FLACC1: variants seen among roughly 807,000 people sequenced by gnomAD.
FLACC1 encodes flagellum-associated coiled-coil domain-containing protein 1.
In FLACC1, 66 loss-of-function variants were observed where a neutral mutation model predicts 62.8. The observed-to-expected ratio is 1.05, with a 90% CI of 0.86 to 1.29. The LOEUF (loss-of-function observed/expected upper bound fraction) is 1.29, where lower values mean the gene tolerates loss of function less well. Ranked by LOEUF, FLACC1 falls within the 50% of genes most tolerant of loss-of-function variation. The probability of loss-of-function intolerance (pLI) is 0.00; values close to 1 mark genes in which losing one functional copy is unlikely to be tolerated. For missense variants in FLACC1, 452 were observed against 489.1 expected (o/e 0.92, Z 0.71); for synonymous variants, 156 against 161.0 (o/e 0.97, Z 0.24).
chr2:201,313,424 G>C (rs1003283815), intron 9 of FLACC1, among the ~76,000 whole-genome samples: 1 of 152,072 alleles, frequency 6.6e-6, no homozygotes, highest in African/African-American at 2.4e-5. Context: ...GCTGGGTGAG[G>C]TCTGTGACTG....
At chr2:201,328,587 G>C (rs796682312) in intron 9 of FLACC1, among the ~76,000 whole-genome samples, 1 of 152,018 alleles carries the variant, frequency 6.6e-6, no homozygotes, top group Non-Finnish European at 1.5e-5. Flanking sequence ...CACCATGTCC[G>C]ACTAATTTTC....
chr2:201,292,794 A>G (rs1949767107), intron 12 of FLACC1, among the ~76,000 whole-genome samples: 1 of 152,198 alleles, frequency 6.6e-6, no homozygotes, highest in Non-Finnish European at 1.5e-5. Flanking sequence ...ATGCAGAGAC[A>G]CACAGAGGCT....
At chr2:201,343,614 G>C (rs1351625177) in intron 6 of FLACC1, among the ~76,000 whole-genome samples, 2 of 152,204 alleles carry the variant, frequency 1.3e-5, no homozygotes, top group Non-Finnish European at 2.9e-5. Flanking sequence ...AGCACTGGCT[G>C]TCACTCCAGG....
chr2:201,339,066 C>CTTTTTTTTTTT (rs1559414089), intron 7 of FLACC1, among the ~76,000 whole-genome samples: 1 of 151,870 alleles, frequency 6.6e-6, no homozygotes, highest in African/African-American at 2.4e-5. Context: ...TGTTGGGAGA[C>CTTTTTTTTTTT]TTTTTATTAC....
intron 11 of FLACC1, among the ~76,000 whole-genome samples, chr2:201,301,454 A>G (rs1279055843): frequency 3.4e-5 from 5 of 147,770 alleles, no homozygotes; most frequent in South Asian, 4.3e-4. Context: ...TCTACGTCTG[A>G]TTGGTGTACC....
chr2:201,292,778 C>T (rs1409546918), intron 12 of FLACC1, among the ~76,000 whole-genome samples: 1 of 152,066 alleles, frequency 6.6e-6, no homozygotes, highest in Non-Finnish European at 1.5e-5. Context: ...AGGAAACCCA[C>T]CTTACATGCA....
chr2:201,289,211 GTGT>G (rs1464705828), intron 14 of FLACC1, among the ~76,000 whole-genome samples: 1 of 152,152 alleles, frequency 6.6e-6, no homozygotes. Flanking sequence ...CAAATGTCCT[GTGT>G]TGTTTTGCAT....
chr2:201,331,497 T>G (rs1950593585), intron 7 of FLACC1, among the ~76,000 whole-genome samples: 1 of 152,148 alleles, frequency 6.6e-6, no homozygotes, highest in Non-Finnish European at 1.5e-5. Context: ...GGAAGCAATG[T>G]TGGCAGTGTT....
chr2:201,356,631 T>C (rs1416330561), intron 1 of FLACC1, among the ~76,000 whole-genome samples: 1 of 152,256 alleles, frequency 6.6e-6, no homozygotes, highest in Non-Finnish European at 1.5e-5. Flanking sequence ...AGAAGCATAA[T>C]AGATTTTTTA....
chr2:201,314,733 A>G (rs1336406560), intron 9 of FLACC1, among the ~76,000 whole-genome samples: 1 of 152,198 alleles, frequency 6.6e-6, no homozygotes, highest in African/African-American at 2.4e-5. Flanking sequence ...GCACATTGTC[A>G]TCAGGTTATC....
chr2:201,289,647 G>A, intron 13 of FLACC1, 49 bp downstream of exon 13: 1 of 1,611,322 alleles, frequency 6.2e-7, no homozygotes, highest in Non-Finnish European at 8.5e-7. Context: ...GCTGGATGGA[G>A]ACCTGGGTTC....
At chr2:201,348,023 G>T (rs1423559278) in intron 4 of FLACC1, 2 of 415,684 alleles carry the variant, frequency 4.8e-6, no homozygotes, top group Non-Finnish European at 8.7e-6. Context: ...TCTTGTGCAA[G>T]GCAGGAGAGA....
rs117986921 is a variant in FLACC1 at position 201,313,514 on chromosome 2, T to C, written c.676-4264A>G. 3.7e-4 allele frequency among the ~76,000 whole-genome samples: 57 copies of C among 152,270 alleles called. No homozygotes were observed. The East Asian group carries it at 0.011, about 29-fold the overall frequency. On this transcript the variant is annotated intron_variant, in intron 9 of 14. Transcript: ENST00000392257. ...ATCCTCCTGGGAACATAATTCCATT[T>C]ACCTGGGAACCACACCTCCATCCCC...
At chr2:201,304,353 A>G (rs1950055510) in intron 11 of FLACC1, among the ~76,000 whole-genome samples, 1 of 152,156 alleles carries the variant, frequency 6.6e-6, no homozygotes, top group Admixed American at 6.5e-5. Flanking sequence ...AGAATAAAAT[A>G]CCTAGGAATC....
chr2:201,289,628 T>C, intron 13 of FLACC1, 62 bp from the exon 14 acceptor site: 8 of 1,611,914 alleles, frequency 5.0e-6, no homozygotes, highest in Non-Finnish European at 5.9e-6. Flanking sequence ...GGCAGAGCTA[T>C]ATGGCAGAGC....
At chr2:201,344,056 GACA>G in intron 6 of FLACC1, 111 bp downstream of exon 6, 1 of 843,388 alleles carries the variant, frequency 1.2e-6, no homozygotes, top group Non-Finnish European at 1.9e-6. Context: ...CTGTCACCTG[GACA>G]ACATGGCTCA....
chr2:201,350,730 T>C lies in FLACC1; in HGVS notation c.166A>G (p.Lys56Glu), dbSNP rs754752743. 68 of 1,613,596 alleles carry C rather than the reference T, an allele frequency of 4.2e-5. No individual in the cohort carries two copies. Among genetic ancestry groups the C allele is most frequent in the Non-Finnish European group, 5.5e-5 (65 of 1,179,632 alleles). Residue 56 changes from lysine (K) to glutamate (E), a missense_variant, in exon 3 of 15, where the codon AAA (lysine) becomes GAA (glutamate). Transcript: ENST00000392257. ...ACTTACTTTGGGGAAACAACAGGTT[T>C]TGTTGGTTGGAGGTAATTGTGATTT... ...PKNHNYLQPTKPVVSPKMKIH... is the reference protein window; with the variant it reads ...PKNHNYLQPTEPVVSPKMKIH...
At chr2:201,321,668 A>G (rs1386108072) in intron 9 of FLACC1, among the ~76,000 whole-genome samples, 1 of 152,184 alleles carries the variant, frequency 6.6e-6, no homozygotes, top group Non-Finnish European at 1.5e-5. Context: ...TCTATTTGGA[A>G]CATCAAAATT....
chr2:201,311,398 C>G (rs2125566719), intron 9 of FLACC1, among the ~76,000 whole-genome samples: 1 of 152,220 alleles, frequency 6.6e-6, no homozygotes, highest in South Asian at 2.1e-4. Flanking sequence ...CAACAAAATA[C>G]TTGCAAATTG....
Sources: gnomAD v4.1 joint callset for allele counts (sites outside exome capture counted in the v4.1 genomes callset) on GRCh38, gnomAD v4.1.1 for gene constraint, MANE v1.5 for transcripts, NCBI Gene and HGNC (gene_info 2026-07-23, HGNC 2026-07-21) for gene names.